HECW2: variants seen among roughly 807,000 people sequenced by gnomAD.
HECW2 encodes HECT, C2 and WW domain containing E3 ubiquitin protein ligase 2, also known as E3 ubiquitin-protein ligase HECW2.
In HECW2, 61 loss-of-function variants were observed where a neutral mutation model predicts 175.2. The observed-to-expected ratio is 0.35, with a 90% CI of 0.28 to 0.43. The LOEUF (loss-of-function observed/expected upper bound fraction) is 0.43, where lower values mean the gene tolerates loss of function less well. Among genes scored for constraint, HECW2 ranks in the 20% least tolerant of loss-of-function variants. The probability of loss-of-function intolerance (pLI) is 1.00; values close to 1 mark genes in which losing one functional copy is unlikely to be tolerated. For missense variants in HECW2, 1,524 were observed against 2,000.5 expected (o/e 0.76, Z 4.54); for synonymous variants, 671 against 731.0 (o/e 0.92, Z 1.32).
chr2:196,560,098 GC>G (rs1689944030), intron 1 of HECW2, among the ~76,000 whole-genome samples: 1 of 152,274 alleles, frequency 6.6e-6, no homozygotes, highest in Admixed American at 6.5e-5. Context: ...CTGGATTAGG[GC>G]CTGAGAGTCT....
chr2:196,450,004 C>A (rs911728119), intron 1 of HECW2, among the ~76,000 whole-genome samples: 1 of 152,194 alleles, frequency 6.6e-6, no homozygotes, highest in South Asian at 2.1e-4. Flanking sequence ...AGTTGTCCCT[C>A]CCCTGGCTTT....
intron 14 of HECW2, among the ~76,000 whole-genome samples, chr2:196,286,880 A>T (rs62184603): frequency 0.023 from 3,489 of 152,332 alleles, 58 homozygotes; most frequent in South Asian, 0.084. Context: ...TTTTGAAATT[A>T]TAATAAGTTG....
chr2:196,396,050 A>C (rs1219152319), intron 2 of HECW2, among the ~76,000 whole-genome samples: 1 of 152,212 alleles, frequency 6.6e-6, no homozygotes, highest in Non-Finnish European at 1.5e-5. Flanking sequence ...AAATGATGGA[A>C]ATTCTGACAT....
intron 2 of HECW2, among the ~76,000 whole-genome samples, chr2:196,430,403 C>G (rs1695674886): frequency 6.7e-6 from 1 of 150,044 alleles, no homozygotes; most frequent in Non-Finnish European, 1.5e-5. Context: ...TGCAAAGAAA[C>G]CAAAAAATAA....
chr2:196,256,058 G>T (rs113936510), intron 18 of HECW2, among the ~76,000 whole-genome samples: 3,500 of 152,208 alleles, frequency 0.023, 103 homozygotes, highest in African/African-American at 0.078. Context: ...GGGCAACAGA[G>T]CGAGACTGCA....
chr2:196,273,930 C>A (rs72923330), intron 16 of HECW2, 91 bp downstream of exon 16: 174,109 of 864,798 alleles, frequency 0.2, 18,983 homozygotes, highest in East Asian at 0.23. Flanking sequence ...CAAAAAGTAG[C>A]AGGCTAACAA....
chr2:196,587,971 T>A (rs1575703059), intron 1 of HECW2, among the ~76,000 whole-genome samples: 2 of 152,334 alleles, frequency 1.3e-5, no homozygotes, highest in East Asian at 3.9e-4. Context: ...GCCTTTGCAC[T>A]GGCCATCCTG....
intron 2 of HECW2, among the ~76,000 whole-genome samples, chr2:196,350,505 C>T (rs1033053162): frequency 1.3e-5 from 2 of 152,206 alleles, no homozygotes; most frequent in African/African-American, 4.8e-5. Flanking sequence ...ACCATAAAGA[C>T]CACATTTTGA....
intron 28 of HECW2, among the ~76,000 whole-genome samples, chr2:196,211,687 T>C (rs771424509): frequency 2.6e-5 from 4 of 152,076 alleles, no homozygotes; most frequent in Non-Finnish European, 5.9e-5. Context: ...TGCTTGAAAA[T>C]TGAAAGGCCC....
chr2:196,273,972 C>T, intron 16 of HECW2, 49 bp downstream of exon 16: 1 of 1,339,936 alleles, frequency 7.5e-7, no homozygotes, highest in Non-Finnish European at 1.1e-6. Context: ...GTACATGGTA[C>T]AGATAATGGC....
intron 2 of HECW2, among the ~76,000 whole-genome samples, chr2:196,398,353 A>G (rs554853033): frequency 1.2e-4 from 18 of 152,384 alleles, no homozygotes; most frequent in African/African-American, 3.6e-4. Context: ...AAAATGTGAC[A>G]GTTTTAAATA....
intron 1 of HECW2, among the ~76,000 whole-genome samples, chr2:196,495,387 C>T (rs1029803756): frequency 6.6e-6 from 1 of 151,952 alleles, no homozygotes; most frequent in African/African-American, 2.4e-5. Context: ...TACTAGAAAC[C>T]CTGTGAGCTG....
At position 196,426,715 on chromosome 2, in the gene HECW2, A is replaced by C. The variant is rs191548182; in HGVS notation, c.292+6417T>G. ...TTCTCAGCACAGGAAAGAAAAATGAAGACTTGGAACATAGGACACTGAAGT... is the reference window on the plus strand; with the variant it reads ...TTCTCAGCACAGGAAAGAAAAATGACGACTTGGAACATAGGACACTGAAGT... On this transcript the variant is annotated intron_variant, in intron 2 of 28. Coordinates refer to ENST00000644978, the MANE Select transcript of HECW2 (RefSeq NM_001348768.2). Among the ~76,000 whole-genome samples the C allele has an allele frequency of 8.4e-4, 128 of 152,258 alleles. 1 individual carries two copies. The highest frequency in any genetic ancestry group is 4.1e-4 in the South Asian group (2 of 4,826).
chr2:196,573,468 GA>G (rs1202043306), intron 1 of HECW2, among the ~76,000 whole-genome samples: 1 of 151,952 alleles, frequency 6.6e-6, no homozygotes, highest in Non-Finnish European at 1.5e-5. Flanking sequence ...GGTAACTATG[GA>G]AAACAGCACT....
chr2:196,202,862 A>G (rs984429020), intron 28 of HECW2, among the ~76,000 whole-genome samples: 5 of 152,182 alleles, frequency 3.3e-5, no homozygotes, highest in Admixed American at 3.3e-4. Flanking sequence ...GAATATTTGC[A>G]TATATATAAT....
chr2:196,494,643 T>C (rs1687328360), intron 1 of HECW2, among the ~76,000 whole-genome samples: 1 of 152,180 alleles, frequency 6.6e-6, no homozygotes, highest in Non-Finnish European at 1.5e-5. Context: ...TTCAAGATAC[T>C]TGTAAAACTT....
At chr2:196,298,959 A>C (rs1690922253) in intron 13 of HECW2, among the ~76,000 whole-genome samples, 1 of 152,222 alleles carries the variant, frequency 6.6e-6, no homozygotes, top group African/African-American at 2.4e-5. Flanking sequence ...TTTTCTGTTA[A>C]TCTAGGAAAA....
At chr2:196,560,041 G>A (rs911231139) in intron 1 of HECW2, among the ~76,000 whole-genome samples, 17 of 152,146 alleles carry the variant, frequency 1.1e-4, no homozygotes, top group African/African-American at 3.9e-4. Context: ...ATTTGTATAT[G>A]AATCACCTGG....
At chr2:196,335,569 T>C (rs1244759159) in intron 3 of HECW2, among the ~76,000 whole-genome samples, 1 of 152,222 alleles carries the variant, frequency 6.6e-6, no homozygotes, top group Non-Finnish European at 1.5e-5. Context: ...TTCTCGACTG[T>C]ACCAAATGGC....
Sources: gnomAD v4.1 joint callset for allele counts (sites outside exome capture counted in the v4.1 genomes callset) on GRCh38, gnomAD v4.1.1 for gene constraint, MANE v1.5 for transcripts, NCBI Gene and HGNC (gene_info 2026-07-23, HGNC 2026-07-21) for gene names.